ADGRB3: variants seen among roughly 807,000 people sequenced by gnomAD.
ADGRB3 encodes adhesion G protein-coupled receptor B3.
ADGRB3 carries 37 observed loss-of-function variants against 193.4 expected under a neutral mutation model. The ratio of observed to expected loss-of-function variants is 0.19; its 90% confidence interval spans 0.15 to 0.25. The LOEUF (loss-of-function observed/expected upper bound fraction) is 0.25. Among genes scored for constraint, ADGRB3 ranks in the 10% least tolerant of loss-of-function variants. ADGRB3 has a pLI of 1.00. For missense variants in ADGRB3, 1,637 were observed against 1,852.9 expected, an observed-to-expected ratio of 0.88 and a Z score of 2.14; for synonymous variants, 690 against 644.2, an observed-to-expected ratio of 1.07 and a Z score of -1.08.
Position 68,635,802 on chromosome 6 carries a change from C to G in ADGRB3, c.-386C>G, listed in dbSNP as rs919360021. 2.0e-5 allele frequency: 3 copies of G among 153,292 alleles called. No individual in the cohort carries two copies. The highest frequency in any genetic ancestry group is 1.9e-4 in the East Asian group (1 of 5,198). 9.5% of individuals were successfully genotyped at this position (153,292 alleles called of 1,614,324 possible). A position where few individuals can be genotyped will look rare whatever the true frequency, so the allele number is the denominator to read the frequency against. On this transcript the variant is annotated 5_prime_UTR_variant, in exon 1 of 32. Coordinates refer to ENST00000370598, the MANE Select transcript of ADGRB3 (RefSeq NM_001704.3). ...TTTTTTTCCTCTCTCTCATCGACCC[C>G]CCTTTGGTTCCCACCCCCCACCTTT...
At chr6:69,040,078 G>A (rs192366927) in intron 13 of ADGRB3, among the ~76,000 whole-genome samples, 8 of 152,194 alleles carry the variant, frequency 5.3e-5, no homozygotes, top group Admixed American at 5.2e-4. Context: ...TTATATATGA[G>A]GATCAATAAT....
At chr6:69,227,255 A>G (rs1766038320) in intron 17 of ADGRB3, among the ~76,000 whole-genome samples, 1 of 152,198 alleles carries the variant, frequency 6.6e-6, no homozygotes, top group African/African-American at 2.4e-5. Flanking sequence ...TGGTGGGCGA[A>G]TATATGTGTG....
chr6:69,354,785 G>A (rs573429422), intron 27 of ADGRB3, among the ~76,000 whole-genome samples: 2 of 152,226 alleles, frequency 1.3e-5, no homozygotes, highest in Admixed American at 1.3e-4. Context: ...CCAGTATGCA[G>A]CCTAAGATGA....
chr6:68,927,191 A>G lies in ADGRB3; in HGVS notation c.758-3368A>G, dbSNP rs375382022. Reference sequence around the variant, plus strand: ...CATACATAATGTTATGCTATACATTATTTCATTTGATTTCATAACTTGCTT... The same window carrying G: ...CATACATAATGTTATGCTATACATTGTTTCATTTGATTTCATAACTTGCTT... On this transcript the variant is annotated intron_variant, in intron 3 of 31. Transcript: ENST00000370598. 1.6e-4 allele frequency among the ~76,000 whole-genome samples: 25 copies of G among 152,286 alleles called. No individual in the cohort carries two copies. In the East Asian group the frequency reaches 2.5e-3, roughly 15 times the overall value.
chr6:68,977,122 T>G (rs1315097730), intron 10 of ADGRB3, among the ~76,000 whole-genome samples: 1 of 150,092 alleles, frequency 6.7e-6, no homozygotes, highest in Non-Finnish European at 1.5e-5. Flanking sequence ...AGTCTTTTTT[T>G]GTTTCTATTT....
At chr6:69,151,258 G>C (rs1198846787) in intron 17 of ADGRB3, among the ~76,000 whole-genome samples, 2 of 152,098 alleles carry the variant, frequency 1.3e-5, no homozygotes, top group Non-Finnish European at 2.9e-5. Flanking sequence ...CCAGAGTGTC[G>C]AGACTTGCCA....
intron 12 of ADGRB3, among the ~76,000 whole-genome samples, chr6:69,017,334 ACT>A (rs1201358973): frequency 1.3e-5 from 2 of 151,870 alleles, no homozygotes; most frequent in Non-Finnish European, 2.9e-5. Context: ...AGCAGCTAGA[ACT>A]CTCTAATCCA....
chr6:68,881,178 T>A, intron 3 of ADGRB3, among the ~76,000 whole-genome samples: 1 of 8,582 alleles, frequency 1.2e-4, no homozygotes, highest in East Asian at 2.3e-3. Flanking sequence ...CCTTATAAAG[T>A]TTTTTTTTTT....
At chr6:69,310,308 A>G (rs73745996) in intron 20 of ADGRB3, among the ~76,000 whole-genome samples, 2,501 of 151,868 alleles carry the variant, frequency 0.016, 69 homozygotes, top group African/African-American at 0.056. Flanking sequence ...TCCTTGGCTC[A>G]ACCCAGAAAG....
chr6:68,892,654 T>C (rs1766110724), intron 3 of ADGRB3, among the ~76,000 whole-genome samples: 2 of 152,298 alleles, frequency 1.3e-5, no homozygotes, highest in African/African-American at 4.8e-5. Context: ...GCCTGGGTTG[T>C]GCAATAAATA....
intron 27 of ADGRB3, 114 bp downstream of exon 27, chr6:69,354,442 AG>A: frequency 2.4e-6 from 2 of 849,828 alleles, no homozygotes; most frequent in Non-Finnish European, 3.9e-6. Context: ...CTTTGGCTTC[AG>A]TTCATTAATA....
intron 16 of ADGRB3, among the ~76,000 whole-genome samples, chr6:69,066,388 A>G (rs1317023137): frequency 6.6e-6 from 1 of 152,024 alleles, no homozygotes; most frequent in Non-Finnish European, 1.5e-5. Flanking sequence ...AAAAAAAGGA[A>G]GAATGGGAAT....
At chr6:68,837,533 A>G (rs1481893888) in intron 3 of ADGRB3, among the ~76,000 whole-genome samples, 1 of 152,216 alleles carries the variant, frequency 6.6e-6, no homozygotes, top group African/African-American at 2.4e-5. Flanking sequence ...TAGAGTATAT[A>G]TCCTTTAAAG....
chr6:69,148,737 A>G (rs960373827), intron 17 of ADGRB3, among the ~76,000 whole-genome samples: 1 of 152,174 alleles, frequency 6.6e-6, no homozygotes, highest in Non-Finnish European at 1.5e-5. Context: ...AATGAAATCC[A>G]TAAGCTTTTC....
intron 20 of ADGRB3, among the ~76,000 whole-genome samples, chr6:69,250,332 A>ATT (rs144785305): frequency 6.6e-6 from 1 of 151,832 alleles, no homozygotes; most frequent in African/African-American, 2.4e-5. Flanking sequence ...ATTTTTGTTT[A>ATT]TTTTTATTAG....
chr6:68,992,969 G>A (rs1769279580), intron 10 of ADGRB3, among the ~76,000 whole-genome samples: 1 of 151,816 alleles, frequency 6.6e-6, no homozygotes, highest in Admixed American at 6.6e-5. Context: ...TAAACTTTTA[G>A]TAAACAAGTA....
At position 69,102,766 on chromosome 6, in the gene ADGRB3, A is replaced by G. The variant is rs1478653346; in HGVS notation, c.2480+26728A>G. 2.0e-5 allele frequency among the ~76,000 whole-genome samples: 3 copies of G among 152,330 alleles called. No individual in the cohort carries two copies. The East Asian group carries it at 5.8e-4, about 29-fold the overall frequency. ...TATGGAACAAATTGGACTTGTAATG[A>G]GTCCAGATACAACTGACCTCTTTGA... On this transcript the variant is annotated intron_variant, in intron 17 of 31. Coordinates refer to ENST00000370598, the MANE Select transcript of ADGRB3 (RefSeq NM_001704.3).
chr6:69,296,835 A>G (rs988181100), intron 20 of ADGRB3, among the ~76,000 whole-genome samples: 10 of 152,112 alleles, frequency 6.6e-5, no homozygotes, highest in African/African-American at 2.4e-4. Flanking sequence ...CCTCCCAGGG[A>G]TCTCATGACA....
intron 3 of ADGRB3, among the ~76,000 whole-genome samples, chr6:68,816,123 G>T (rs2127378127): frequency 6.6e-6 from 1 of 151,848 alleles, no homozygotes; most frequent in African/African-American, 2.4e-5. Context: ...TTATATGAAA[G>T]GGAAATAATA....
Sources: gnomAD v4.1 joint callset for allele counts (sites outside exome capture counted in the v4.1 genomes callset) on GRCh38, gnomAD v4.1.1 for gene constraint, MANE v1.5 for transcripts, NCBI Gene and HGNC (gene_info 2026-07-23, HGNC 2026-07-21) for gene names.